PAPPA2: variants seen among roughly 807,000 people sequenced by gnomAD.
PAPPA2 encodes pappalysin-2.
A neutral mutation model predicts 176.4 loss-of-function variants in PAPPA2; 86 were observed. The ratio of observed to expected loss-of-function variants is 0.49; its 90% CI spans 0.41 to 0.58. PAPPA2 has a LOEUF of 0.58. Ranked by LOEUF, PAPPA2 falls within the 20% of genes least tolerant of loss-of-function variation. The pLI, the probability that PAPPA2 is intolerant of heterozygous loss-of-function variation, is 0.00. For synonymous variants in PAPPA2, 809 were observed against 852.2 expected (o/e 0.95, Z 0.88); for missense variants, 2,073 against 2,256.9 (o/e 0.92, Z 1.65).
chr1:176,819,553 C>T (rs990390978), intron 21 of PAPPA2, among the ~76,000 whole-genome samples: 7 of 152,160 alleles, frequency 4.6e-5, no homozygotes, highest in Admixed American at 1.3e-4. Context: ...TTGACATATA[C>T]AGTTCTTTTG....
chr1:176,743,099 C>T (rs1210705665), intron 14 of PAPPA2, among the ~76,000 whole-genome samples: 5 of 152,026 alleles, frequency 3.3e-5, no homozygotes, highest in South Asian at 4.2e-4. Flanking sequence ...ACACAGAATA[C>T]GAAAACTCTT....
intron 14 of PAPPA2, among the ~76,000 whole-genome samples, chr1:176,743,589 G>C (rs1202690600): frequency 6.6e-6 from 1 of 152,150 alleles, no homozygotes; most frequent in Non-Finnish European, 1.5e-5. Context: ...TGTGTTGATG[G>C]CTTTGGGAAG....
At chr1:176,583,530 G>A (rs1231431118) in intron 2 of PAPPA2, among the ~76,000 whole-genome samples, 1 of 152,102 alleles carries the variant, frequency 6.6e-6, no homozygotes, top group Non-Finnish European at 1.5e-5. Context: ...TTTCAAAAAT[G>A]TTCCTATTAT....
At chr1:176,661,851 C>T (rs1030944054) in intron 3 of PAPPA2, among the ~76,000 whole-genome samples, 10 of 152,102 alleles carry the variant, frequency 6.6e-5, no homozygotes, top group African/African-American at 2.4e-4. Flanking sequence ...CAGACTAATG[C>T]ACAACATCTA....
chr1:176,593,803 C>T (rs1030196079), intron 2 of PAPPA2, among the ~76,000 whole-genome samples: 3 of 152,254 alleles, frequency 2.0e-5, no homozygotes, highest in Admixed American at 6.5e-5. Context: ...TTCCGTACTG[C>T]GGTGGGTGGT....
At chr1:176,614,858 G>A (rs1233368921) in intron 3 of PAPPA2, among the ~76,000 whole-genome samples, 1 of 151,916 alleles carries the variant, frequency 6.6e-6, no homozygotes, top group Non-Finnish European at 1.5e-5. Flanking sequence ...AAATTATCAA[G>A]TATCCAAATA....
At chr1:176,523,182 G>C (rs535896884) in intron 1 of PAPPA2, among the ~76,000 whole-genome samples, 2 of 152,274 alleles carry the variant, frequency 1.3e-5, no homozygotes, top group East Asian at 3.9e-4. Flanking sequence ...ATGAGTTCTA[G>C]CATCTTTTTG....
intron 2 of PAPPA2, among the ~76,000 whole-genome samples, chr1:176,581,902 T>C (rs1040924928): frequency 2.2e-5 from 3 of 139,020 alleles, no homozygotes; most frequent in Non-Finnish European, 4.6e-5. Flanking sequence ...ATTTTTCTTT[T>C]TTTCTTTCTT....
intron 14 of PAPPA2, among the ~76,000 whole-genome samples, chr1:176,748,684 A>G (rs1458556986): frequency 1.3e-5 from 2 of 152,352 alleles, no homozygotes; most frequent in East Asian, 1.9e-4. Flanking sequence ...TCATAAGATT[A>G]TAATACAGTA....
intron 3 of PAPPA2, among the ~76,000 whole-genome samples, chr1:176,598,105 G>A (rs1298706342): frequency 6.6e-6 from 1 of 152,110 alleles, no homozygotes; most frequent in Non-Finnish European, 1.5e-5. Flanking sequence ...CTTTTTGATA[G>A]TTAAAAATAC....
intron 21 of PAPPA2, among the ~76,000 whole-genome samples, chr1:176,802,531 G>A (rs1179976802): frequency 6.6e-6 from 1 of 152,268 alleles, no homozygotes. Flanking sequence ...GCAAGATAAA[G>A]CCAAGCCGGC....
chr1:176,652,573 C>T (rs1657790006), intron 3 of PAPPA2, among the ~76,000 whole-genome samples: 1 of 151,688 alleles, frequency 6.6e-6, no homozygotes, highest in African/African-American at 2.4e-5. Context: ...TAAACAGACA[C>T]TCTGATTTTG....
rs201618047 is a variant in PAPPA2 at position 176,690,391 on chromosome 1, T to C, written c.2392T>C (p.Phe798Leu). 88 of 1,614,156 alleles carry C rather than the reference T, an allele frequency of 5.5e-5. No individual in the cohort carries two copies. In the African/African-American group the frequency reaches 1.1e-3, roughly 21 times the overall value. Reference sequence around the variant, plus strand: ...TAGTGACACCTGTGGCTTCACTCGCTTCCCAGGGGCTCCGTTCACCAACTA... The same window carrying C: ...TAGTGACACCTGTGGCTTCACTCGCCTCCCAGGGGCTCCGTTCACCAACTA... ...PTSDTCGFTR[F>L]PGAPFTNYMS... The change falls in exon 5 of 23, where the codon TTC (phenylalanine) becomes CTC (leucine). Residue 798 changes from phenylalanine (F) to leucine (L), a missense_variant. By Grantham distance (22) the Phe-to-Leu change is conservative. This residue lies in a region of PAPPA2 where 1,196 missense variants were observed against 1,330.4 expected (regional missense o/e 0.90). Transcript: ENST00000367662.
intron 3 of PAPPA2, among the ~76,000 whole-genome samples, chr1:176,624,618 T>A (rs1263924719): frequency 1.3e-5 from 2 of 152,198 alleles, no homozygotes; most frequent in African/African-American, 4.8e-5. Context: ...TTCCCATTTT[T>A]ATTTTTTTGA....
At chr1:176,488,176 C>T (rs1389679115) in intron 1 of PAPPA2, among the ~76,000 whole-genome samples, 1 of 151,896 alleles carries the variant, frequency 6.6e-6, no homozygotes, top group Non-Finnish European at 1.5e-5. Flanking sequence ...AGGCATCTTC[C>T]CTTGTTTTTA....
At chr1:176,680,129 A>C (rs1659511482) in intron 4 of PAPPA2, among the ~76,000 whole-genome samples, 1 of 152,164 alleles carries the variant, frequency 6.6e-6, no homozygotes, top group Admixed American at 6.5e-5. Context: ...ATAACAGAAA[A>C]ATTTGGAGAT....
chr1:176,835,191 A>T (rs926105204), intron 21 of PAPPA2, among the ~76,000 whole-genome samples: 2 of 152,186 alleles, frequency 1.3e-5, no homozygotes, highest in Admixed American at 6.5e-5. Context: ...GAAAGAACAG[A>T]AGACCCAATA....
At chr1:176,658,512 T>A (rs186314794) in intron 3 of PAPPA2, among the ~76,000 whole-genome samples, 30 of 152,162 alleles carry the variant, frequency 2.0e-4, no homozygotes, top group Non-Finnish European at 3.8e-4. Context: ...TAGATTAGAC[T>A]TAATGACATA....
chr1:176,750,536 C>T (rs867410701), intron 14 of PAPPA2, among the ~76,000 whole-genome samples: 44 of 151,888 alleles, frequency 2.9e-4, no homozygotes, highest in African/African-American at 9.7e-4. Context: ...ACCCGGGATG[C>T]GGAGGTTGCA....
Sources: gnomAD v4.1 joint callset for allele counts (sites outside exome capture counted in the v4.1 genomes callset) on GRCh38, gnomAD v4.1.1 for gene constraint, gnomAD v4.1.1 regional missense constraint, MANE v1.5 for transcripts, NCBI Gene and HGNC (gene_info 2026-07-23, HGNC 2026-07-21) for gene names.